FBXO17: variants seen among roughly 807,000 people sequenced by gnomAD.
The protein encoded by FBXO17 is F-box only protein 17.
In FBXO17, 43 loss-of-function variants were observed where a neutral mutation model predicts 34.1. The ratio of observed to expected loss-of-function variants is 1.26; its 90% CI spans 0.99 to 1.62. The LOEUF (loss-of-function observed/expected upper bound fraction) is 1.62, where lower values mean the gene tolerates loss of function less well. Among genes scored for constraint, FBXO17 ranks in the 40% most tolerant of loss-of-function variants. The pLI, the probability that FBXO17 is intolerant of heterozygous loss-of-function variation, is 0.00. For missense variants in FBXO17, 424 were observed against 386.7 expected (o/e 1.10, Z -0.81); for synonymous variants, 169 against 166.0 (o/e 1.02, Z -0.14).
chr19:38,957,783 A>G (rs1349742701), intron 1 of FBXO17, among the ~76,000 whole-genome samples: 3 of 152,184 alleles, frequency 2.0e-5, no homozygotes, highest in Non-Finnish European at 2.9e-5. Context: ...ATGAGCCCTC[A>G]GCTATCCACA....
chr19:38,944,826 T>TGGGATGTAAGAAGGGCTC (rs1367854730), intron 5 of FBXO17, 143 bp downstream of exon 5: 25 of 1,183,328 alleles, frequency 2.1e-5, no homozygotes, highest in African/African-American at 1.1e-4. Context: ...ACACAGGGCT[T>TGGGATGTAAGAAGGGCTC]GGGATGTAAG....
At chr19:38,942,789 G>A in intron 5 of FBXO17, 38 bp from the exon 6 acceptor site, 6 of 1,575,934 alleles carry the variant, frequency 3.8e-6, no homozygotes, top group Admixed American at 2.0e-5. Flanking sequence ...GAGGGCCTGC[G>A]GGCCCCTTCT....
chr19:38,965,153 A>C lies in FBXO17; in HGVS notation c.-18+10433T>G, dbSNP rs80073848. ...AACATTTAAGTAAACAAGCAGAAGG[A>C]AAGTGAACTGACCCCAGAGGAAACA... On this transcript the variant is annotated intron_variant, in intron 1 of 5. Transcript: ENST00000292852. 2.2e-3 allele frequency among the ~76,000 whole-genome samples: 330 copies of C among 152,232 alleles called. 6 individuals are homozygous for C. In the East Asian group the frequency reaches 0.048, roughly 22 times the overall value.
rs781245891 is a variant in FBXO17, at chr19:38,949,978, G to T, written c.342C>A (p.Cys114Ter). 5.2e-6 allele frequency: 8 copies of T among 1,534,606 alleles called. No individual in the cohort carries two copies. Among genetic ancestry groups the T allele is most frequent in the Admixed American group, 2.0e-5 (1 of 50,228 alleles). The change falls in exon 2 of 6, where the codon TGC becomes TGA. Residue 114 changes from cysteine to a stop codon, truncating the protein, a stop_gained. Transcript: ENST00000292852. LOFTEE classifies it high-confidence loss of function. Reference protein sequence around the residue: ...PFGRNLIFNSCGEQGFRGWEV... With the variant: ...PFGRNLIFNS ...CCCGCCCCCGTCACCCACGCTCTCC[G>T]CAGGAGTTGAAGATGAGATTGCGGC...
intron 1 of FBXO17, among the ~76,000 whole-genome samples, chr19:38,961,786 C>T (rs574366610): frequency 1.5e-3 from 231 of 152,096 alleles, no homozygotes; most frequent in Middle Eastern, 3.4e-3. Flanking sequence ...CTTCAGCCTC[C>T]GGAGTAGCTG....
In FBXO17 at chr19:38,942,753, T is replaced by C; in HGVS notation, c.694-2A>G. On this transcript the variant is annotated splice_acceptor_variant, in intron 5 of 5. Transcript: ENST00000292852. LOFTEE classifies it high-confidence loss of function. The stretch of plus-strand genomic sequence containing the variant: ...AAAGTTGGTGAAGACGTGGGAGACC[T>C]GCAGGGGGAAGGGGAGTGAGAGGGT... 6.2e-7 allele frequency: 1 copy of C among 1,601,954 alleles called. No homozygotes were observed.
chr19:38,969,737 C>T (rs1447707415), intron 1 of FBXO17, among the ~76,000 whole-genome samples: 1 of 151,870 alleles, frequency 6.6e-6, no homozygotes, highest in Non-Finnish European at 1.5e-5. Flanking sequence ...GCTGGGATTA[C>T]AGCTACTCTG....
intron 1 of FBXO17, among the ~76,000 whole-genome samples, chr19:38,955,769 C>T (rs1431872945): frequency 2.0e-5 from 3 of 151,864 alleles, no homozygotes; most frequent in Admixed American, 6.6e-5. Flanking sequence ...TAGGTGTGAG[C>T]CACTGTGCTC....
At position 38,949,967 on chromosome 19, in the gene FBXO17, C is replaced by T. The variant is rs753047800; in HGVS notation, c.349+4G>A. ...GCCTCCTGGGCCCCGCCCCCGTCAC[C>T]CACGCTCTCCGCAGGAGTTGAAGAT... On this transcript the variant is annotated splice_donor_region_variant and intron_variant, in intron 2 of 5. Transcript: ENST00000292852. 12 of 1,533,234 alleles carry T rather than the reference C, an allele frequency of 7.8e-6. No individual in the cohort carries two copies. Among genetic ancestry groups the T allele is most frequent in the Non-Finnish European group, 8.8e-7 (1 of 1,141,854 alleles). The allele number at this position is 1,533,234 out of a possible 1,614,324, so 95.0% of individuals were successfully genotyped here.
intron 2 of FBXO17, chr19:38,949,730 T>TC: frequency 1.7e-6 from 1 of 581,726 alleles, no homozygotes. Flanking sequence ...ACTTGCTTTC[T>TC]CCCCCGGCCC....
intron 3 of FBXO17, chr19:38,947,234 CAT>C (rs370510903): frequency 3.3e-5 from 5 of 152,672 alleles, no homozygotes; most frequent in African/African-American, 1.2e-4. Flanking sequence ...GCCATAATAA[CAT>C]AAATTGTGCA....
At chr19:38,952,369 T>C (rs1417619934) in intron 1 of FBXO17, among the ~76,000 whole-genome samples, 1 of 152,184 alleles carries the variant, frequency 6.6e-6, no homozygotes, top group Non-Finnish European at 1.5e-5. Context: ...ACTGTGACCT[T>C]TGGAACCCAT....
intron 1 of FBXO17, among the ~76,000 whole-genome samples, chr19:38,970,529 GA>G (rs1975378690): frequency 6.6e-6 from 1 of 152,080 alleles, no homozygotes; most frequent in Non-Finnish European, 1.5e-5. Flanking sequence ...CGTGTGTGAG[GA>G]TGTCCCCTCT....
intron 3 of FBXO17, 152 bp downstream of exon 3, chr19:38,948,415 A>G: frequency 1.6e-6 from 1 of 619,920 alleles, no homozygotes; most frequent in East Asian, 2.9e-5. Flanking sequence ...AGTACCCTCA[A>G]CAAGTATTTG....
At chr19:38,966,293 T>TTGAGTGTGTG (rs1975319709) in intron 1 of FBXO17, among the ~76,000 whole-genome samples, 1 of 142,942 alleles carries the variant, frequency 7.0e-6, no homozygotes, top group Admixed American at 7.3e-5. Context: ...ATTAAAAATT[T>TTGAGTGTGTG]TGTGTGTGTG....
rs1308225036 is a variant in FBXO17, at chr19:38,950,213, C to T, written c.107G>A (p.Arg36His). The T allele has an allele frequency of 3.2e-6, 5 of 1,544,768 alleles. No individual in the cohort carries two copies. Among genetic ancestry groups the T allele is most frequent in the Middle Eastern group, 3.4e-4 (2 of 5,940 alleles). The change falls in exon 2 of 6, where the codon CGC becomes CAC. Residue 36 changes from arginine (R) to histidine (H), a missense_variant. Transcript: ENST00000292852. ...TGGGCGGCATCGCGTGACCAAGGAG[C>T]GTGGCGGCACGTGGCTCAGCACCTG... is the stretch of plus-strand genomic sequence containing the variant. Reference protein sequence around the residue: ...LVQVLSHVPPRSLVTRCRPVC... With the variant: ...LVQVLSHVPPHSLVTRCRPVC...
At chr19:38,945,209 A>ATC in intron 4 of FBXO17, 105 bp from the exon 5 acceptor site, 2 of 1,444,640 alleles carry the variant, frequency 1.4e-6, no homozygotes, top group Admixed American at 3.9e-5. Context: ...GGTCCTGCAC[A>ATC]TCTGGACCAC....
intron 1 of FBXO17, among the ~76,000 whole-genome samples, chr19:38,963,585 G>A (rs924953870): frequency 5.9e-5 from 9 of 152,032 alleles, no homozygotes; most frequent in African/African-American, 1.7e-4. Flanking sequence ...GAGCCACCGC[G>A]CTTGGCCCAT....
At chr19:38,974,734 C>T (rs1975439052) in intron 1 of FBXO17, among the ~76,000 whole-genome samples, 1 of 152,116 alleles carries the variant, frequency 6.6e-6, no homozygotes, top group African/African-American at 2.4e-5. Flanking sequence ...AAAAACGAGG[C>T]ACCAGCGATC....
Sources: allele counts gnomAD v4.1 joint callset (sites outside exome capture counted in the v4.1 genomes callset), GRCh38; gene constraint gnomAD v4.1.1; transcripts MANE v1.5; gene names NCBI Gene and HGNC (gene_info 2026-07-23, HGNC 2026-07-21).